Variants in PLEC observed in about 807,000 individuals in gnomAD.
PLEC encodes the protein hemidesmosomal protein 1.
Under a neutral mutation model 392.8 loss-of-function variants are expected in PLEC, and 216 were observed. That is an observed-to-expected ratio of 0.55 (90% CI 0.49 to 0.62). The LOEUF (loss-of-function observed/expected upper bound fraction) is 0.62. Ranked by LOEUF, PLEC falls within the 20% of genes least tolerant of loss-of-function variation. PLEC has a pLI of 0.00. For missense variants in PLEC, 6,863 were observed against 6,563.4 expected, an observed-to-expected ratio of 1.05 and a Z score of -1.58; for synonymous variants, 3,621 against 2,980.6, an observed-to-expected ratio of 1.21 and a Z score of -7.00.
rs782255133 is a variant in PLEC, at chr8:143,923,226, C to T, written c.6703G>A (p.Val2235Met). Residue 2235 changes from valine (V) to methionine (M), a missense_variant, in exon 31 of 32, where the codon GTG becomes ATG. Val to Met is a conservative substitution (Grantham distance 21, BLOSUM62 1). Coordinates refer to ENST00000345136, the MANE Select transcript of PLEC (RefSeq NM_201384.3). Reference sequence around the variant, plus strand: ...AGCTTGCTCAGCTCCTCCATCTGCACGCGCACCGAGAAGAGCTCCTCCTCC... The same window carrying T: ...AGCTTGCTCAGCTCCTCCATCTGCATGCGCACCGAGAAGAGCTCCTCCTCC... ...QVEEELFSVR[V>M]QMEELSKLKA... 3.2e-5 allele frequency: 52 copies of T among 1,603,338 alleles called. No individual in the cohort carries two copies. In the East Asian group the frequency reaches 5.3e-4, roughly 16 times the overall value.
At position 143,950,051 on chromosome 8, in the gene PLEC, A is replaced by G. The variant is rs1340485822; in HGVS notation, c.523+133T>C. On this transcript the variant is annotated intron_variant, in intron 1 of 31. Transcript: ENST00000322810. ...CCCTGACCCTCGGCTAGGGGGGGCCACCTGCTGGTGTGAGCGACGCTCCGC... is the reference window on the plus strand; with the variant it reads ...CCCTGACCCTCGGCTAGGGGGGGCCGCCTGCTGGTGTGAGCGACGCTCCGC... 1.4e-5 allele frequency: 17 copies of G among 1,199,850 alleles called. No individual in the cohort carries two copies. The African/African-American group carries it at 2.3e-4, about 16-fold the overall frequency. The allele number at this position is 1,199,850 out of a possible 1,614,324, so 74.3% of individuals were successfully genotyped here.
Position 143,916,945 on chromosome 8 carries a change from C to T in PLEC, c.12876G>A (p.Val4292=), listed in dbSNP as rs199509259. 2.2e-4 allele frequency: 360 copies of T among 1,612,848 alleles called. 1 individual carries two copies. The African/African-American group carries it at 4.3e-3, about 19-fold the overall frequency. Residue 4292 remains valine, a synonymous_variant, in exon 32 of 32, where the codon GTG becomes GTA. Coordinates refer to ENST00000345136, the MANE Select transcript of PLEC (RefSeq NM_201384.3). ...TCCGGTGCATGGCCTCGGTGATGGA[C>T]ACCTTCTCCAGCGTCTCCGTGTCCA... ...GILDTETLEK[V]SITEAMHRNL...
At position 143,920,778 on chromosome 8, in the gene PLEC, T is replaced by C. The variant is rs782319376; in HGVS notation, c.9043A>G (p.Thr3015Ala). The change falls in exon 32 of 32, where the codon ACT becomes GCT. Residue 3015 changes from threonine (T) to alanine (A), a missense_variant. Physicochemically the swap from Thr to Ala is moderately conservative, Grantham distance 58 (BLOSUM62 0). Coordinates refer to ENST00000345136, the MANE Select transcript of PLEC (RefSeq NM_201384.3). ...GCACCCCGGAGAGCCCGCCGCACAG[T>C]GTCCACCTCGGCTACGTCTCGCACA... ...RSVRDVAEVD[T>A]VRRALRGANV... is the part of the protein sequence containing the mutation. 2.9e-5 allele frequency: 47 copies of C among 1,606,960 alleles called. No homozygotes were observed. The South Asian group carries it at 3.7e-4, about 13-fold the overall frequency.
chr8:143,933,879 T>A, intron 12 of PLEC, 119 bp downstream of exon 12: 3 of 809,276 alleles, frequency 3.7e-6, no homozygotes, highest in Non-Finnish European at 6.1e-6. Context: ...GCCCCGCCCC[T>A]GCCCCTGCCC....
chr8:143,933,444 C>T, intron 12 of PLEC, 93 bp from the exon 13 acceptor site: 1 of 1,476,198 alleles, frequency 6.8e-7, no homozygotes. Flanking sequence ...GCCGCTTCCT[C>T]AGCCTCAGTG....
chr8:143,916,322 C>T lies in PLEC; in HGVS notation c.13499G>A (p.Gly4500Asp). 1 of 1,586,664 alleles carries T rather than the reference C, an allele frequency of 6.3e-7. No homozygotes were observed. The change falls in exon 32 of 32, where the codon GGC becomes GAC. Residue 4500 changes from glycine to aspartate, a missense_variant. Gly to Asp is a moderately conservative substitution (Grantham distance 94). Transcript: ENST00000345136. ...RTGSRTGSRA[G>D]SRRGSFDATG... ...GGCGTCAAAGCTGCCGCGGCGGGAG[C>T]CGGCCCGGGAGCCGGTGCGCGAGCC...
At position 143,926,829 on chromosome 8, in the gene PLEC, G is replaced by A. The variant is rs1554705980; in HGVS notation, c.3999C>T (p.Tyr1333=). The change falls in exon 30 of 32, where the codon TAC becomes TAT. Residue 1333 remains tyrosine (Y), a synonymous_variant. Transcript: ENST00000345136. Reference sequence around the variant, plus strand: ...GCAGAGTCTCGCTGATGAACTTGATGTACTGGCTCGTCAGTGTGGTCAGCT... The same window carrying A: ...GCAGAGTCTCGCTGATGAACTTGATATACTGGCTCGTCAGTGTGGTCAGCT... ...YSELTTLTSQ[Y]IKFISETLRR... is the part of the protein sequence containing the mutation. 4 of 1,613,742 alleles carry A rather than the reference G, an allele frequency of 2.5e-6. No individual in the cohort carries two copies. The East Asian group carries it at 6.7e-5, about 27-fold the overall frequency.
At chr8:143,954,123 C>G (rs943822708), upstream of PLEC, among the ~76,000 whole-genome samples, 8 of 149,184 alleles carry the variant, frequency 5.4e-5, no homozygotes, top group Non-Finnish European at 7.4e-5. The surrounding 1 kb of genome is among the most constrained non-coding windows in gnomAD (Gnocchi z 4.6). Flanking sequence ...TCCACTGCAA[C>G]GAGCCATGCT....
At position 143,920,180 on chromosome 8, in the gene PLEC, T is replaced by C. The variant is rs781855346; in HGVS notation, c.9641A>G (p.Glu3214Gly). 92 of 1,611,860 alleles carry C rather than the reference T, an allele frequency of 5.7e-5. No homozygotes were observed. The highest frequency in any genetic ancestry group is 7.6e-5 in the Non-Finnish European group (90 of 1,179,922). Residue 3214 changes from glutamate (E) to glycine (G), a missense_variant, in exon 32 of 32, where the codon GAA becomes GGA. Coordinates refer to ENST00000345136, the MANE Select transcript of PLEC (RefSeq NM_201384.3). ...CTCCTGCCGGGCCCGAGCAGCCTTTTCTGAGAGCGGCAGCAGGCTCAGCCC... is the reference window on the plus strand; with the variant it reads ...CTCCTGCCGGGCCCGAGCAGCCTTTCCTGAGAGCGGCAGCAGGCTCAGCCC... ...LTGLSLLPLS[E>G]KAARARQEEL...
At chr8:143,931,896 C>A in intron 18 of PLEC, 41 bp downstream of exon 18, 1 of 1,551,850 alleles carries the variant, frequency 6.4e-7, no homozygotes, top group Non-Finnish European at 8.8e-7. Context: ...TCCTGCAAGG[C>A]TGCCGCTGAG....
At position 143,920,413 on chromosome 8, in the gene PLEC, G is replaced by A. The variant is rs77006429; in HGVS notation, c.9408C>T (p.Ala3136=). The A allele has an allele frequency of 1.5e-3, 2,447 of 1,594,430 alleles. 40 individuals are homozygous for A. In the East Asian group the frequency reaches 0.043, roughly 28 times the overall value. Residue 3136 remains alanine (A), a synonymous_variant, in exon 32 of 32, where the codon GCC becomes GCT. Transcript: ENST00000345136. ...PREQGLRLLD[A]QLSTGGIVDP... is the part of the protein sequence containing the mutation. ...CCACGATGCCGCCCGTGGACAGCTGGGCGTCCAACAGGCGCAGGCCCTGCT... is the reference window on the plus strand; with the variant it reads ...CCACGATGCCGCCCGTGGACAGCTGAGCGTCCAACAGGCGCAGGCCCTGCT...
Position 143,918,356 on chromosome 8 carries a change from A to G in PLEC, c.11465T>C (p.Val3822Ala), listed in dbSNP as rs1554674968. The change falls in exon 32 of 32, where the codon GTG (valine) becomes GCG (alanine). Residue 3822 changes from valine to alanine, a missense_variant. Physicochemically the swap from Val to Ala is moderately conservative, Grantham distance 64. Transcript: ENST00000345136. ...PRLGFHLPLE[V>A]AYQRGYLNKD... is the part of the protein sequence containing the mutation. ...GTTGAGGTAGCCACGCTGGTAAGCC[A>G]CCTCCAGGGGAAGGTGGAAGCCCAG... 1.3e-6 allele frequency: 2 copies of G among 1,575,248 alleles called. No homozygotes were observed. Among genetic ancestry groups the G allele is most frequent in the Non-Finnish European group, 1.7e-6 (2 of 1,167,212 alleles).
chr8:143,933,296 C>A lies in PLEC; in HGVS notation c.1319G>T (p.Arg440Leu). 3 of 1,613,128 alleles carry A rather than the reference C, an allele frequency of 1.9e-6. No homozygotes were observed. The highest frequency in any genetic ancestry group is 2.5e-6 in the Non-Finnish European group (3 of 1,179,982). Residue 440 changes from arginine (R) to leucine (L), a missense_variant, in exon 13 of 32, where the codon CGG (arginine) becomes CTG (leucine). Arg to Leu is a moderately radical substitution (Grantham distance 102). Transcript: ENST00000345136. ...KVPQRAGEVERDLDKADSMIR... is the reference protein window; with the variant it reads ...KVPQRAGEVELDLDKADSMIR... ...CATGCTATCCGCCTTGTCCAAGTCCCGTTCCACCTCCCCCGCCCGCTGTGG... is the reference window on the plus strand; with the variant it reads ...CATGCTATCCGCCTTGTCCAAGTCCAGTTCCACCTCCCCCGCCCGCTGTGG...
chr8:143,959,425 C>T (rs1284277796), intron 1 of PLEC, among the ~76,000 whole-genome samples: 3 of 152,394 alleles, frequency 2.0e-5, no homozygotes, highest in South Asian at 2.1e-4. Flanking sequence ...GGGAACGCCC[C>T]GGCTCCAGGA....
At chr8:143,929,604 A>G in intron 23 of PLEC, 33 bp from the exon 24 acceptor site, 1 of 1,610,616 alleles carries the variant, frequency 6.2e-7, no homozygotes, top group Non-Finnish European at 8.5e-7. Context: ...TCCACCGCCC[A>G]CCTCGCACCA....
intron 1 of PLEC, among the ~76,000 whole-genome samples, chr8:143,971,456 C>T (rs1554744309): frequency 6.6e-6 from 1 of 152,164 alleles, no homozygotes; most frequent in African/African-American, 2.4e-5. Context: ...CCCACAGTCC[C>T]TCCACCCCAG....
At chr8:143,941,175 G>C (rs1474054379), upstream of PLEC, among the ~76,000 whole-genome samples, 3 of 152,240 alleles carry the variant, frequency 2.0e-5, no homozygotes, top group African/African-American at 7.2e-5. Context: ...GCTGGGTATG[G>C]GCTCTGGGGG....
chr8:143,941,710 C>G (rs1830490782), upstream of PLEC, among the ~76,000 whole-genome samples: 1 of 138,958 alleles, frequency 7.2e-6, no homozygotes, highest in South Asian at 2.4e-4. Flanking sequence ...TATTCTGACC[C>G]TAAAACCAAC....
Position 143,932,504 on chromosome 8 carries a change from C to A in PLEC, c.1873G>T (p.Ala625Ser). ...LESLHSFVAA[A>S]TKELMWLNEK... The stretch of plus-strand genomic sequence containing the variant: ...TTCAGCCACATTAGCTCCTTAGTGG[C>A]GGCTGCCACAAAGCTGTGCAAGCTC... Residue 625 changes from alanine to serine, a missense_variant, in exon 16 of 32, where the codon GCC (alanine) becomes TCC (serine). Physicochemically the swap from Ala to Ser is moderately conservative, Grantham distance 99 (BLOSUM62 1). Coordinates refer to ENST00000345136, the MANE Select transcript of PLEC (RefSeq NM_201384.3). 1.2e-6 allele frequency: 2 copies of A among 1,612,052 alleles called. No individual in the cohort carries two copies. The highest frequency in any genetic ancestry group is 1.7e-6 in the Non-Finnish European group (2 of 1,179,814).
Sources: gnomAD v4.1 joint callset for allele counts (sites outside exome capture counted in the v4.1 genomes callset) on GRCh38, gnomAD v4.1.1 for gene constraint, Gnocchi (gnomAD v3.1) non-coding constraint, MANE v1.5 for transcripts, NCBI Gene and HGNC (gene_info 2026-07-23, HGNC 2026-07-21) for gene names.